PADI4: variants seen among roughly 807,000 people sequenced by gnomAD.
The protein encoded by PADI4 is protein-arginine deiminase type-4.
A neutral mutation model predicts 75.0 loss-of-function variants in PADI4; 62 were observed. The observed-to-expected ratio is 0.83, with a 90% CI of 0.67 to 1.02. The LOEUF is 1.02. PADI4 is among the 50% of genes least tolerant of loss of function. The probability of loss-of-function intolerance (pLI) is 0.00; values close to 1 mark genes in which losing one functional copy is unlikely to be tolerated. For synonymous variants in PADI4, 361 were observed against 348.1 expected, an observed-to-expected ratio of 1.04 and a Z score of -0.41; for missense variants, 845 against 850.5, an observed-to-expected ratio of 0.99 and a Z score of 0.08.
chr1:17,335,601 G>C (rs2074295749), intron 3 of PADI4, among the ~76,000 whole-genome samples: 1 of 152,232 alleles, frequency 6.6e-6, no homozygotes, highest in African/African-American at 2.4e-5. Context: ...TTCGGATGAG[G>C]GAGGAAGGAT....
At chr1:17,342,803 T>C (rs1352670377) in intron 8 of PADI4, among the ~76,000 whole-genome samples, 1 of 152,006 alleles carries the variant, frequency 6.6e-6, no homozygotes, top group Non-Finnish European at 1.5e-5. Flanking sequence ...GGTGAAACCC[T>C]GTCTCTACTA....
At chr1:17,345,631 T>C (rs982064930) in intron 8 of PADI4, among the ~76,000 whole-genome samples, 4 of 152,220 alleles carry the variant, frequency 2.6e-5, no homozygotes, top group Non-Finnish European at 5.9e-5. Flanking sequence ...TGAGATCTGA[T>C]GGTTTTATCA....
chr1:17,331,213 T>C lies in PADI4; in HGVS notation c.273+64T>C, dbSNP rs554395216. The C allele has an allele frequency of 7.3e-5, 101 of 1,376,124 alleles. 2 individuals are homozygous for C. In the East Asian group the frequency reaches 1.6e-3, roughly 22 times the overall value. 85.2% of individuals were successfully genotyped at this position (1,376,124 alleles called of 1,614,324 possible). ...TTCAGCAGGGCAGCCACACACACTC[T>C]GTCCTGCCGTGATCCACAGCACCAG... is the stretch of plus-strand genomic sequence containing the variant. On this transcript the variant is annotated intron_variant, in intron 2 of 15. Coordinates refer to ENST00000375448, the MANE Select transcript of PADI4 (RefSeq NM_012387.3).
At position 17,316,548 on chromosome 1, in the gene PADI4, G is replaced by GAA. The variant is rs2073938053; in HGVS notation, c.92+8234_92+8235insAA. Among the ~76,000 whole-genome samples, 3 of 151,532 alleles carry GAA rather than the reference G, an allele frequency of 2.0e-5. No homozygotes were observed. In the South Asian group the frequency reaches 6.3e-4, roughly 32 times the overall value. ...ACTAAAAATACAAAAAAATTAGCCAGGCCTGGTGGCGGGCGCCTGTAGTCC... is the reference window on the plus strand; with the variant it reads ...ACTAAAAATACAAAAAAATTAGCCAGAAGCCTGGTGGCGGGCGCCTGTAGTCC... On this transcript the variant is annotated intron_variant, in intron 1 of 15. Coordinates refer to ENST00000375448, the MANE Select transcript of PADI4 (RefSeq NM_012387.3).
chr1:17,360,293 GA>G (rs59638967), intron 15 of PADI4, among the ~76,000 whole-genome samples: 7,765 of 129,560 alleles, frequency 0.06, 401 homozygotes, highest in African/African-American at 0.15. Flanking sequence ...TTTGTCTCGG[GA>G]AAAAAAAAAA....
intron 15 of PADI4, among the ~76,000 whole-genome samples, chr1:17,361,775 C>A (rs536884603): frequency 6.6e-5 from 10 of 152,342 alleles, no homozygotes; most frequent in African/African-American, 2.4e-4. Flanking sequence ...CCTCACCAGG[C>A]CACCTGCCAA....
chr1:17,333,855 C>T, intron 2 of PADI4, 88 bp from the exon 3 acceptor site: 2 of 982,186 alleles, frequency 2.0e-6, no homozygotes, highest in Non-Finnish European at 3.3e-6. Context: ...CTCCCCAGTG[C>T]CCTACCCTGA....
chr1:17,339,293 C>T (rs1212117167), intron 5 of PADI4, among the ~76,000 whole-genome samples: 2 of 152,224 alleles, frequency 1.3e-5, no homozygotes, highest in African/African-American at 4.8e-5. Flanking sequence ...AGGACCAGCA[C>T]AGAAACCTTT....
At chr1:17,319,012 A>G (rs1011638992) in intron 1 of PADI4, among the ~76,000 whole-genome samples, 1 of 150,788 alleles carries the variant, frequency 6.6e-6, no homozygotes, top group Non-Finnish European at 1.5e-5. Flanking sequence ...TTGTGGAGAC[A>G]GGGTCTAGCT....
Position 17,358,852 on chromosome 1 carries a change from A to T in PADI4, c.1573A>T (p.Lys525Ter), listed in dbSNP as rs1204578505. ...FEGIKKKKQQKIKNILSNKTL... is the reference protein window; with the variant it reads ...FEGIKKKKQQ The stretch of plus-strand genomic sequence containing the variant: ...CTCCATGACAGAAAAAAAACAGCAG[A>T]AAATAAAGAACATTCTGTCAAACAA... Residue 525 changes from lysine to a stop codon, truncating the protein, a stop_gained, in exon 14 of 16, where the codon AAA becomes TAA. Transcript: ENST00000375448. LOFTEE classifies it high-confidence loss of function. The T allele has an allele frequency of 6.2e-7, 1 of 1,604,374 alleles. No homozygotes were observed. Among genetic ancestry groups the T allele is most frequent in the East Asian group, 2.2e-5 (1 of 44,734 alleles).
intron 1 of PADI4, among the ~76,000 whole-genome samples, chr1:17,314,968 G>A (rs1195969301): frequency 1.3e-5 from 2 of 152,180 alleles, no homozygotes; most frequent in Non-Finnish European, 2.9e-5. Flanking sequence ...CAATCTCCCC[G>A]AGGCCCAGGT....
chr1:17,316,859 T>C (rs1400776730), intron 1 of PADI4, among the ~76,000 whole-genome samples: 1 of 151,986 alleles, frequency 6.6e-6, no homozygotes, highest in African/African-American at 2.4e-5. Context: ...GCTGTGGGAC[T>C]GCATGACTGG....
chr1:17,337,585 T>G (rs1208305433), intron 4 of PADI4, among the ~76,000 whole-genome samples: 1 of 152,126 alleles, frequency 6.6e-6, no homozygotes, highest in East Asian at 1.9e-4. Flanking sequence ...AAATAATTAA[T>G]TGATGTGGAA....
intron 13 of PADI4, among the ~76,000 whole-genome samples, chr1:17,357,941 A>AAAAAAC (rs2074788397): frequency 1.4e-5 from 2 of 143,408 alleles, no homozygotes; most frequent in Non-Finnish European, 3.0e-5. Context: ...AAAAAAAAAA[A>AAAAAAC]AAAAAACAAG....
In PADI4 at chr1:17,308,235, A is replaced by C. The variant is rs761415467; in HGVS notation, c.13A>C (p.Thr5Pro). 1.2e-5 allele frequency: 19 copies of C among 1,613,738 alleles called. No homozygotes were observed. The highest frequency in any genetic ancestry group is 8.3e-5 in the Admixed American group (5 of 59,980). The change falls in exon 1 of 16, where the codon ACA becomes CCA. Residue 5 changes from threonine (T) to proline (P), a missense_variant. Transcript: ENST00000375448. MAQGTLIRVTPEQPT... is the reference protein window; with the variant it reads MAQGPLIRVTPEQPT... ...AGCTAGCCCGACGATGGCCCAGGGG[A>C]CATTGATCCGTGTGACCCCAGAGCA...
chr1:17,342,120 T>C lies in PADI4; in HGVS notation c.830T>C (p.Leu277Pro), dbSNP rs1366572525. Residue 277 changes from leucine to proline, a missense_variant and splice_region_variant, in exon 7 of 16, where the codon CTG (leucine) becomes CCG (proline). Transcript: ENST00000375448. ...ATCTCCCTGCTGGACACGTCCAACC[T>C]GGTAGGCCGAGAAGGCAGCCCTGCA... ...LTISLLDTSN[L>P]ELPEAVVFQD... 2.5e-6 allele frequency: 4 copies of C among 1,613,214 alleles called. No individual in the cohort carries two copies. The highest frequency in any genetic ancestry group is 3.4e-6 in the Non-Finnish European group (4 of 1,179,624).
intron 1 of PADI4, among the ~76,000 whole-genome samples, chr1:17,316,126 G>A (rs2073928915): frequency 6.6e-6 from 1 of 152,044 alleles, no homozygotes; most frequent in Admixed American, 6.5e-5. Context: ...GGATGCAGTG[G>A]CTCACGCCTA....
intron 1 of PADI4, among the ~76,000 whole-genome samples, chr1:17,326,238 T>C (rs2074115838): frequency 6.6e-6 from 1 of 152,238 alleles, no homozygotes; most frequent in South Asian, 2.1e-4. Flanking sequence ...ATTGATTTGT[T>C]TTATTATTTC....
intron 10 of PADI4, among the ~76,000 whole-genome samples, chr1:17,354,256 A>G (rs887305907): frequency 5.9e-5 from 9 of 151,950 alleles, no homozygotes; most frequent in African/African-American, 1.2e-4. Context: ...GGGAAAAAAA[A>G]TGATGTTTTA....
Sources: gnomAD v4.1 joint callset for allele counts (sites outside exome capture counted in the v4.1 genomes callset) on GRCh38, gnomAD v4.1.1 for gene constraint, MANE v1.5 for transcripts, NCBI Gene and HGNC (gene_info 2026-07-23, HGNC 2026-07-21) for gene names.